The following TBX2 variants were observed in gnomAD, a reference collection of about 807,000 sequenced individuals.
The protein encoded by TBX2 is T-box transcription factor TBX2.
A neutral mutation model predicts 48.4 loss-of-function variants in TBX2; 19 were observed. The ratio of observed to expected loss-of-function variants is 0.39; its 90% CI spans 0.27 to 0.58. TBX2 has a LOEUF of 0.58. Ranked by LOEUF, TBX2 falls within the 20% of genes least tolerant of loss-of-function variation. TBX2 has a pLI of 0.54. For missense variants in TBX2, 994 were observed against 1,006.5 expected, an observed-to-expected ratio of 0.99 and a Z score of 0.17; for synonymous variants, 522 against 459.7, an observed-to-expected ratio of 1.14 and a Z score of -1.73.
rs1454236537 is a variant in TBX2, at chr17:61,400,144, C to T, written c.-33C>T. 13 of 990,742 alleles carry T rather than the reference C, an allele frequency of 1.3e-5. No individual in the cohort carries two copies. The highest frequency in any genetic ancestry group is 1.4e-5 in the Non-Finnish European group (12 of 833,162). The allele number at this position is 990,742 out of a possible 1,614,324, so 61.4% of individuals were successfully genotyped here. A position where few individuals can be genotyped will look rare whatever the true frequency, so the allele number is the denominator to read the frequency against. The stretch of plus-strand genomic sequence containing the variant: ...CGAGCCGCGCGCCCCCGGCCCCGGC[C>T]CCGGCCCCCGGGCGCCTGGGCCGGA... On this transcript the variant is annotated 5_prime_UTR_variant, in exon 1 of 7. Transcript: ENST00000240328. This position sits in a 1 kb window ranked among gnomAD's most constrained non-coding sequence, Gnocchi z 9.2.
chr17:61,408,127 C>A lies in TBX2; in HGVS notation c.1760C>A (p.Ala587Asp). The part of the protein sequence containing the change: ...YTYMAAAAAA[A>D]SALPATSAAA... ...TACATGGCAGCAGCAGCCGCAGCCGCCTCGGCTTTGCCCGCCACTAGTGCT... is the reference window on the plus strand; with the variant it reads ...TACATGGCAGCAGCAGCCGCAGCCGACTCGGCTTTGCCCGCCACTAGTGCT... Residue 587 changes from alanine (A) to aspartate (D), a missense_variant, in exon 7 of 7, where the codon GCC (alanine) becomes GAC (aspartate). Coordinates refer to ENST00000240328, the MANE Select transcript of TBX2 (RefSeq NM_005994.4). 6.2e-7 allele frequency: 1 copy of A among 1,610,688 alleles called. No homozygotes were observed. The highest frequency in any genetic ancestry group is 1.1e-5 in the South Asian group (1 of 90,910).
rs1466873607 is a variant in TBX2, at chr17:61,406,806, TG to T, written c.1686+971del. On this transcript the variant is annotated intron_variant, in intron 6 of 6. Transcript: ENST00000240328. This position sits in a 1 kb window ranked among gnomAD's most constrained non-coding sequence, Gnocchi z 5.7. ...TTTTACACACAGCTCAGTGTTAGGG[TG>T]TGTGGAGTGTTTGAGGTATCACCAT... is the stretch of plus-strand genomic sequence containing the variant. 1.3e-5 allele frequency: 2 copies of T among 151,044 alleles called. No homozygotes were observed. The highest frequency in any genetic ancestry group is 2.9e-5 in the Non-Finnish European group (2 of 67,976). The allele number at this position is 151,044 out of a possible 1,614,324, so 9.4% of individuals were successfully genotyped here. A position where few individuals can be genotyped will look rare whatever the true frequency, so the allele number is the denominator to read the frequency against.
rs2060297105 is a variant in TBX2 at position 61,408,322 on chromosome 17, A to G, written c.1955A>G (p.Asn652Ser). 2.5e-6 allele frequency: 4 copies of G among 1,610,114 alleles called. No homozygotes were observed. Among genetic ancestry groups the G allele is most frequent in the Non-Finnish European group, 3.4e-6 (4 of 1,178,930 alleles). The change falls in exon 7 of 7, where the codon AAC becomes AGC. Residue 652 changes from asparagine (N) to serine (S), a missense_variant. By Grantham distance (46) the Asn-to-Ser change is conservative. Around this residue, in one of 5 missense-constraint regions of TBX2, gnomAD observed 639 missense variants for 613.2 expected, o/e 1.04. Coordinates refer to ENST00000240328, the MANE Select transcript of TBX2 (RefSeq NM_005994.4). Reference sequence around the variant, plus strand: ...GAGGGCTCCAAGGCCGCTGGTGGAAACAGCCGGGAGCCTAGCCCCCTGCCC... The same window carrying G: ...GAGGGCTCCAAGGCCGCTGGTGGAAGCAGCCGGGAGCCTAGCCCCCTGCCC... ...ASEGSKAAGG[N>S]SREPSPLPEL...
rs924184903 is a variant in TBX2, at chr17:61,408,346, C to T, written c.1979C>T (p.Pro660Leu). The part of the protein sequence containing the change: ...GGNSREPSPL[P>L]ELALRKVGAP... ...AACAGCCGGGAGCCTAGCCCCCTGC[C>T]CGAGCTGGCTCTCCGCAAAGTAGGG... Residue 660 changes from proline to leucine, a missense_variant, in exon 7 of 7, where the codon CCC becomes CTC. Pro to Leu is a moderately conservative substitution (Grantham distance 98). This residue lies in a region of TBX2 where 639 missense variants were observed against 613.2 expected (regional missense o/e 1.04). Transcript: ENST00000240328. The T allele has an allele frequency of 1.9e-6, 3 of 1,597,696 alleles. No homozygotes were observed. In the African/African-American group the frequency reaches 4.0e-5, roughly 22 times the overall value.
Position 61,400,148 on chromosome 17 carries a change from G to GCCCCGT in TBX2, c.-25_-24insGTCCCC, listed in dbSNP as rs2060257470. ...CCGCGCGCCCCCGGCCCCGGCCCCG[G>GCCCCGT]CCCCCGGGCGCCTGGGCCGGATGTC... On this transcript the variant is annotated 5_prime_UTR_variant, in exon 1 of 7. Transcript: ENST00000240328. This position sits in a 1 kb window ranked among gnomAD's most constrained non-coding sequence, Gnocchi z 9.2. The GCCCCGT allele has an allele frequency of 1.0e-6, 1 of 996,184 alleles. No homozygotes were observed. Among genetic ancestry groups the GCCCCGT allele is most frequent in the Non-Finnish European group, 1.2e-6 (1 of 836,552 alleles). The allele number at this position is 996,184 out of a possible 1,614,324, so 61.7% of individuals were successfully genotyped here. A position where few individuals can be genotyped will look rare whatever the true frequency, so the allele number is the denominator to read the frequency against.
rs2060296656 is a variant in TBX2 at position 61,408,200 on chromosome 17, C to T, written c.1833C>T (p.Phe611=). Residue 611 remains phenylalanine, a synonymous_variant, in exon 7 of 7, where the codon TTC becomes TTT. Transcript: ENST00000240328. Reference sequence around the variant, plus strand: ...CCGGCTCCCTCTCCCGGAGCCCCTTCCTGGGCAGTGCCCGGCCCCGACTGC... The same window carrying T: ...CCGGCTCCCTCTCCCGGAGCCCCTTTCTGGGCAGTGCCCGGCCCCGACTGC... ...AAAGSLSRSP[F]LGSARPRLRF... 1 of 1,612,938 alleles carries T rather than the reference C, an allele frequency of 6.2e-7. No individual in the cohort carries two copies. The highest frequency in any genetic ancestry group is 1.3e-5 in the African/African-American group (1 of 75,062).
intron 3 of TBX2, among the ~76,000 whole-genome samples, chr17:61,404,148 G>A (rs1276066818): frequency 6.6e-6 from 1 of 152,150 alleles, no homozygotes; most frequent in Non-Finnish European, 1.5e-5. Flanking sequence ...GGCTGGTTCC[G>A]ACACTGTGGC....
At position 61,403,827 on chromosome 17, in the gene TBX2, T is replaced by C. The variant is rs1188203463; in HGVS notation, c.811-594T>C. Among the ~76,000 whole-genome samples, 1 of 152,134 alleles carries C rather than the reference T, an allele frequency of 6.6e-6. No individual in the cohort carries two copies. Among genetic ancestry groups the C allele is most frequent in the Non-Finnish European group, 1.5e-5 (1 of 68,028 alleles). ...TCACCCCTCTAGGCCTGTGCCCTTG[T>C]GCGCCACTGTCGAGTGAAAGAGAGG... is the stretch of plus-strand genomic sequence containing the variant. On this transcript the variant is annotated intron_variant, in intron 3 of 6. Coordinates refer to ENST00000240328, the MANE Select transcript of TBX2 (RefSeq NM_005994.4). This position sits in a 1 kb window ranked among gnomAD's most constrained non-coding sequence, Gnocchi z 5.8.
At position 61,403,084 on chromosome 17, in the gene TBX2, G is replaced by A. The variant is rs551427390; in HGVS notation, c.687G>A (p.Lys229=). Residue 229 remains lysine (K), a synonymous_variant, in exon 3 of 7, where the codon AAG becomes AAA. Coordinates refer to ENST00000240328, the MANE Select transcript of TBX2 (RefSeq NM_005994.4). This position sits in a 1 kb window ranked among gnomAD's most constrained non-coding sequence, Gnocchi z 5.8. ...HGFTILNSMH[K]YQPRFHIVRA... is the part of the protein sequence containing the mutation. ...AGACCATCCTAAACTCCATGCACAA[G>A]TACCAGCCGCGCTTCCACATAGTGC... 1.9e-6 allele frequency: 3 copies of A among 1,613,120 alleles called. No homozygotes were observed. In the African/African-American group the frequency reaches 4.0e-5, roughly 22 times the overall value.
intron 6 of TBX2, 114 bp from the exon 7 acceptor site, chr17:61,407,940 T>C: frequency 7.6e-7 from 1 of 1,315,616 alleles, no homozygotes; most frequent in South Asian, 1.4e-5. Flanking sequence ...ATGCGAATTG[T>C]GGTTTTACAT....
At position 61,406,335 on chromosome 17, in the gene TBX2, G is replaced by A. The variant is rs1186329769; in HGVS notation, c.1686+499G>A. On this transcript the variant is annotated intron_variant, in intron 6 of 6. Transcript: ENST00000240328. This position sits in a 1 kb window ranked among gnomAD's most constrained non-coding sequence, Gnocchi z 5.7. Reference sequence around the variant, plus strand: ...GGACAGTTGACCACCAGCCCTCCCAGAGGTCTCTGGCCCCTCCCAGGCCTT... The same window carrying A: ...GGACAGTTGACCACCAGCCCTCCCAAAGGTCTCTGGCCCCTCCCAGGCCTT... The A allele has an allele frequency of 6.6e-6, 1 of 152,638 alleles. No homozygotes were observed. The highest frequency in any genetic ancestry group is 1.5e-5 in the Non-Finnish European group (1 of 68,364). 9.5% of individuals were successfully genotyped at this position (152,638 alleles called of 1,614,324 possible). A position where few individuals can be genotyped will look rare whatever the true frequency, so the allele number is the denominator to read the frequency against.
chr17:61,400,608 GC>G lies in TBX2; in HGVS notation c.395+38del. The G allele has an allele frequency of 6.5e-7, 1 of 1,528,262 alleles. No homozygotes were observed. Among genetic ancestry groups the G allele is most frequent in the Non-Finnish European group, 8.8e-7 (1 of 1,132,728 alleles). The allele number at this position is 1,528,262 out of a possible 1,614,324, so 94.7% of individuals were successfully genotyped here. ...GGCCGGCTGGAAGGCGCGCGGGCGG[GC>G]GGGCGGGCTGGGGCACGGGACTGCA... On this transcript the variant is annotated intron_variant, in intron 1 of 6. Transcript: ENST00000240328. The surrounding 1 kb of genome is among the most constrained non-coding windows in gnomAD (Gnocchi z 9.2).
intron 3 of TBX2, 78 bp from the exon 4 acceptor site, chr17:61,404,343 C>T: frequency 6.7e-7 from 1 of 1,488,216 alleles, no homozygotes; most frequent in South Asian, 1.3e-5. Flanking sequence ...GCGGCCAGCA[C>T]CCGCTGACCT....
In TBX2 at chr17:61,400,308, G is replaced by T. The variant is rs752521533; in HGVS notation, c.132G>T (p.Pro44=). 3.8e-5 allele frequency: 41 copies of T among 1,086,686 alleles called. No homozygotes were observed. Among genetic ancestry groups the T allele is most frequent in the Non-Finnish European group, 4.4e-5 (39 of 884,672 alleles). 67.3% of individuals were successfully genotyped at this position (1,086,686 alleles called of 1,614,324 possible). A position where few individuals can be genotyped will look rare whatever the true frequency, so the allele number is the denominator to read the frequency against. Residue 44 remains proline (P), a synonymous_variant, in exon 1 of 7, where the codon CCG becomes CCT. Transcript: ENST00000240328. The surrounding 1 kb of genome is among the most constrained non-coding windows in gnomAD (Gnocchi z 9.2). ...QPSFFPALAL[P]PGALAKPLPD... is the part of the protein sequence containing the mutation. ...CCTTCTTCCCGGCACTCGCGCTGCCGCCCGGCGCGCTGGCCAAGCCGCTGC... is the reference window on the plus strand; with the variant it reads ...CCTTCTTCCCGGCACTCGCGCTGCCTCCCGGCGCGCTGGCCAAGCCGCTGC...
At position 61,405,497 on chromosome 17, in the gene TBX2, G is replaced by A. The variant is rs1332712692; in HGVS notation, c.1347G>A (p.Pro449=). The change falls in exon 6 of 7, where the codon CCG becomes CCA. Residue 449 remains proline, a synonymous_variant. Coordinates refer to ENST00000240328, the MANE Select transcript of TBX2 (RefSeq NM_005994.4). The stretch of plus-strand genomic sequence containing the variant: ...AGGGCAAGGAGCAGGGCCTGGCGCC[G>A]CTGGTGGTGCAGACAGACAGTGCGT... ...AAEGKEQGLA[P]LVVQTDSASP... 1 of 1,581,592 alleles carries A rather than the reference G, an allele frequency of 6.3e-7. No individual in the cohort carries two copies. The highest frequency in any genetic ancestry group is 2.3e-5 in the East Asian group (1 of 43,890).
In TBX2 at chr17:61,400,268, C is replaced by A. The variant is rs768992923; in HGVS notation, c.92C>A (p.Ala31Glu). 8.4e-7 allele frequency: 1 copy of A among 1,195,412 alleles called. No individual in the cohort carries two copies. Among genetic ancestry groups the A allele is most frequent in the Non-Finnish European group, 1.1e-6 (1 of 940,844 alleles). 74.1% of individuals were successfully genotyped at this position (1,195,412 alleles called of 1,614,324 possible). ...GACTTCCCCATGTCCGCCTTTCTGG[C>A]GGCGGCGCAGCCCTCCTTCTTCCCG... is the stretch of plus-strand genomic sequence containing the variant. ...PADFPMSAFL[A>E]AAQPSFFPAL... The change falls in exon 1 of 7, where the codon GCG becomes GAG. Residue 31 changes from alanine (A) to glutamate (E), a missense_variant. Physicochemically the swap from Ala to Glu is moderately radical, Grantham distance 107 (BLOSUM62 -1). Transcript: ENST00000240328. The surrounding 1 kb of genome is among the most constrained non-coding windows in gnomAD (Gnocchi z 9.2).
Position 61,405,743 on chromosome 17 carries a change from G to A in TBX2, c.1593G>A (p.Gly531=). The part of the protein sequence containing the change: ...GGGGGPGTAA[G]LDAGGLGPAA... Reference sequence around the variant, plus strand: ...GTGGCGGGCCTGGGACCGCCGCGGGGCTGGACGCAGGCGGGCTGGGTCCCG... The same window carrying A: ...GTGGCGGGCCTGGGACCGCCGCGGGACTGGACGCAGGCGGGCTGGGTCCCG... Residue 531 remains glycine, a synonymous_variant, in exon 6 of 7, where the codon GGG becomes GGA. Coordinates refer to ENST00000240328, the MANE Select transcript of TBX2 (RefSeq NM_005994.4). The A allele has an allele frequency of 2.2e-6, 3 of 1,351,788 alleles. No homozygotes were observed. The highest frequency in any genetic ancestry group is 2.8e-6 in the Non-Finnish European group (3 of 1,057,700). 83.7% of individuals were successfully genotyped at this position (1,351,788 alleles called of 1,614,324 possible).
Position 61,408,148 on chromosome 17 carries a change from G to A in TBX2, c.1781G>A (p.Ser594Asn), listed in dbSNP as rs756848247. ...GCCGCCTCGGCTTTGCCCGCCACTAGTGCTGCAGCTGCCGCCGCCGCAGCC... is the reference window on the plus strand; with the variant it reads ...GCCGCCTCGGCTTTGCCCGCCACTAATGCTGCAGCTGCCGCCGCCGCAGCC... ...AAAASALPAT[S>N]AAAAAAAAAG... Residue 594 changes from serine to asparagine, a missense_variant, in exon 7 of 7, where the codon AGT (serine) becomes AAT (asparagine). Transcript: ENST00000240328. 3 of 1,611,784 alleles carry A rather than the reference G, an allele frequency of 1.9e-6. No individual in the cohort carries two copies. Among genetic ancestry groups the A allele is most frequent in the Non-Finnish European group, 2.5e-6 (3 of 1,179,548 alleles).
Position 61,404,589 on chromosome 17 carries a change from C to A in TBX2, c.888-17C>A. ...GGATGGGCTCCCCGCTGACCTGGTT[C>A]ATCCGCTCATCCCCAGGAAGCAGCT... is the stretch of plus-strand genomic sequence containing the variant. On this transcript the variant is annotated splice_polypyrimidine_tract_variant and intron_variant, in intron 4 of 6. Transcript: ENST00000240328. The A allele has an allele frequency of 6.3e-7, 1 of 1,589,382 alleles. No homozygotes were observed. The highest frequency in any genetic ancestry group is 1.1e-5 in the South Asian group (1 of 87,876).
Sources: allele counts gnomAD v4.1 joint callset (sites outside exome capture counted in the v4.1 genomes callset), GRCh38; gene constraint gnomAD v4.1.1; regional missense constraint gnomAD v4.1.1; non-coding constraint Gnocchi (gnomAD v3.1); transcripts MANE v1.5; gene names NCBI Gene and HGNC (gene_info 2026-07-23, HGNC 2026-07-21).